GPR39: variants seen among roughly 807,000 people sequenced by gnomAD.
GPR39 encodes G protein-coupled receptor 39, also known as zinc sensing receptor.
GPR39 carries 23 observed loss-of-function variants against 18.4 expected under a neutral mutation model. The observed-to-expected ratio is 1.25, with a 90% CI of 0.90 to 1.77. GPR39 has a LOEUF of 1.77. Ranked by LOEUF, GPR39 falls within the 40% of genes most tolerant of loss-of-function variation. GPR39 has a pLI of 0.00. For synonymous variants in GPR39, 280 were observed against 257.9 expected (o/e 1.09, Z -0.82); for missense variants, 647 against 602.4 (o/e 1.07, Z -0.78).
chr2:132,499,925 T>G (rs1178739753), intron 1 of GPR39, among the ~76,000 whole-genome samples: 1 of 152,226 alleles, frequency 6.6e-6, no homozygotes, highest in Non-Finnish European at 1.5e-5. Context: ...TTTGTGTACA[T>G]TAATTTTGTA....
At chr2:132,441,439 C>G (rs548150754) in intron 1 of GPR39, among the ~76,000 whole-genome samples, 1 of 151,258 alleles carries the variant, frequency 6.6e-6, no homozygotes, top group Non-Finnish European at 1.5e-5. Context: ...TGAATGCCTA[C>G]CATGGAAAGA....
At chr2:132,466,590 G>C (rs1420713445) in intron 1 of GPR39, among the ~76,000 whole-genome samples, 1 of 151,990 alleles carries the variant, frequency 6.6e-6, no homozygotes, top group Admixed American at 6.6e-5. Flanking sequence ...TAAGTACAAA[G>C]AGGGCAGCAT....
intron 1 of GPR39, among the ~76,000 whole-genome samples, chr2:132,579,421 C>T (rs1244807242): frequency 1.3e-5 from 2 of 152,072 alleles, no homozygotes; most frequent in Admixed American, 6.5e-5. Flanking sequence ...GAAAAGAAAG[C>T]GTATTTTTCT....
chr2:132,614,823 G>T (rs951893595), intron 1 of GPR39, among the ~76,000 whole-genome samples: 1 of 152,120 alleles, frequency 6.6e-6, no homozygotes. Context: ...TTACAGGCAT[G>T]AGCCACCATG....
At chr2:132,577,899 C>T (rs1022954967) in intron 1 of GPR39, among the ~76,000 whole-genome samples, 1 of 151,992 alleles carries the variant, frequency 6.6e-6, no homozygotes, top group Non-Finnish European at 1.5e-5. Context: ...CTGGCTAGAC[C>T]TATCAGTACT....
At chr2:132,510,463 A>G (rs1347652379) in intron 1 of GPR39, among the ~76,000 whole-genome samples, 1 of 152,158 alleles carries the variant, frequency 6.6e-6, no homozygotes, top group Non-Finnish European at 1.5e-5. Context: ...TCTTGGAATC[A>G]CTGGGATAAA....
intron 1 of GPR39, among the ~76,000 whole-genome samples, chr2:132,599,535 A>G (rs977244533): frequency 2.0e-5 from 3 of 152,182 alleles, no homozygotes; most frequent in Non-Finnish European, 1.5e-5. Flanking sequence ...CGCATCACTT[A>G]GTGTCTACAT....
intron 1 of GPR39, among the ~76,000 whole-genome samples, chr2:132,606,545 A>G (rs1681140937): frequency 6.6e-6 from 1 of 152,216 alleles, no homozygotes; most frequent in Non-Finnish European, 1.5e-5. Flanking sequence ...AGCAGCATCT[A>G]GGGATAAGTA....
At chr2:132,532,470 A>G (rs970192294) in intron 1 of GPR39, among the ~76,000 whole-genome samples, 3 of 152,190 alleles carry the variant, frequency 2.0e-5, no homozygotes, top group Non-Finnish European at 2.9e-5. Flanking sequence ...ATAGAAAAAG[A>G]GGGAATCCTC....
At chr2:132,544,060 C>A (rs1000310413) in intron 1 of GPR39, among the ~76,000 whole-genome samples, 1 of 152,212 alleles carries the variant, frequency 6.6e-6, no homozygotes, top group African/African-American at 2.4e-5. Flanking sequence ...TCGTCAGTTT[C>A]CCCTTATCTG....
chr2:132,546,692 T>C (rs1679955152), intron 1 of GPR39, among the ~76,000 whole-genome samples: 1 of 151,284 alleles, frequency 6.6e-6, no homozygotes, highest in Non-Finnish European at 1.5e-5. Flanking sequence ...AATAGAAAAC[T>C]CGGTCCAGCC....
chr2:132,439,444 G>T (rs1680395149), intron 1 of GPR39, among the ~76,000 whole-genome samples: 1 of 152,156 alleles, frequency 6.6e-6, no homozygotes, highest in Non-Finnish European at 1.5e-5. Flanking sequence ...GCTGAGATGC[G>T]GCTCCACTTG....
intron 1 of GPR39, among the ~76,000 whole-genome samples, chr2:132,538,464 C>T (rs1193152093): frequency 6.6e-6 from 1 of 152,200 alleles, no homozygotes; most frequent in Non-Finnish European, 1.5e-5. Flanking sequence ...AGCCAGAGCT[C>T]TCCTGTATGA....
chr2:132,635,200 G>A (rs1272923600), intron 1 of GPR39, among the ~76,000 whole-genome samples: 1 of 152,116 alleles, frequency 6.6e-6, no homozygotes, highest in Non-Finnish European at 1.5e-5. Context: ...GGCTTCAAAT[G>A]GATTCCATAG....
chr2:132,636,206 C>G (rs1212813459), intron 1 of GPR39, among the ~76,000 whole-genome samples: 2 of 152,196 alleles, frequency 1.3e-5, no homozygotes, highest in Non-Finnish European at 2.9e-5. Context: ...ATATTATCTC[C>G]TAGCTCACAC....
At chr2:132,585,470 C>T (rs1269811509) in intron 1 of GPR39, among the ~76,000 whole-genome samples, 1 of 152,218 alleles carries the variant, frequency 6.6e-6, no homozygotes, top group Admixed American at 6.5e-5. Flanking sequence ...GTCCCCTCCC[C>T]GCTTCTCCCG....
chr2:132,425,079 G>A (rs148295628), intron 1 of GPR39, among the ~76,000 whole-genome samples: 5 of 152,244 alleles, frequency 3.3e-5, no homozygotes, highest in South Asian at 2.1e-4. Flanking sequence ...TGGTCTATTC[G>A]TTCTTCAACG....
intron 1 of GPR39, among the ~76,000 whole-genome samples, chr2:132,515,665 T>C (rs369045603): frequency 3.3e-5 from 5 of 152,146 alleles, no homozygotes; most frequent in African/African-American, 7.2e-5. Context: ...CCCCTCACCC[T>C]TTCTTCCTTA....
Position 132,495,104 on chromosome 2 carries a change from G to A in GPR39, c.856+77206G>A, listed in dbSNP as rs1326885694. ...AGAGTAACATAACAAGGCCATAGAA[G>A]AGCATGTGCTGTCATGAATGGTTCA... On this transcript the variant is annotated intron_variant, in intron 1 of 1. Transcript: ENST00000329321. 2.0e-5 allele frequency among the ~76,000 whole-genome samples: 3 copies of A among 152,134 alleles called. No individual in the cohort carries two copies. In the East Asian group the frequency reaches 5.8e-4, roughly 29 times the overall value.
Sources: allele counts gnomAD v4.1 joint callset (sites outside exome capture counted in the v4.1 genomes callset), GRCh38; gene constraint gnomAD v4.1.1; transcripts MANE v1.5; gene names NCBI Gene and HGNC (gene_info 2026-07-23, HGNC 2026-07-21).